SEMA4G: variants seen among roughly 807,000 people sequenced by gnomAD.
SEMA4G encodes the protein semaphorin-4G.
Under a neutral mutation model 81.2 loss-of-function variants are expected in SEMA4G, and 59 were observed. The ratio of observed to expected loss-of-function variants is 0.73; its 90% confidence interval spans 0.59 to 0.90. The LOEUF is 0.90. Ranked by LOEUF, SEMA4G falls within the 40% of genes least tolerant of loss-of-function variation. The pLI, the probability that SEMA4G is intolerant of heterozygous loss-of-function variation, is 0.00. For synonymous variants in SEMA4G, 404 were observed against 433.9 expected (o/e 0.93, Z 0.86); for missense variants, 952 against 1,102.3 (o/e 0.86, Z 1.93).
chr10:100,974,190 C>T (rs901978188), intron 3 of SEMA4G, among the ~76,000 whole-genome samples: 2 of 152,008 alleles, frequency 1.3e-5, no homozygotes, highest in African/African-American at 2.4e-5. Flanking sequence ...GTAGGCTGAA[C>T]GCGGTGGCTC....
At chr10:100,980,087 G>A (rs766581235) in intron 9 of SEMA4G, 35 bp from the exon 11 acceptor site, 1 of 1,612,624 alleles carries the variant, frequency 6.2e-7, no homozygotes. Context: ...AGGTGGTGGA[G>A]TCCCGAGGTT....
At chr10:100,980,227 G>A (rs778525725) in exon 10 of SEMA4G, 11 of 1,614,200 alleles carry the variant, frequency 6.8e-6, no homozygotes, top group Non-Finnish European at 9.3e-6. Context: ...TCGGCCCGTT[G>A]TGCCCACACG....
chr10:100,983,334 G>A (rs1589998314), exon 14 of SEMA4G: 2 of 1,580,504 alleles, frequency 1.3e-6, no homozygotes, highest in Non-Finnish European at 1.7e-6. Context: ...GACCCGCTCT[G>A]TGCTCCGGGG....
Position 100,977,631 on chromosome 10 carries a change from G to A in SEMA4G, c.337-1G>A. On this transcript the variant is annotated splice_acceptor_variant, in intron 3 of 13. Coordinates refer to ENST00000370250, the Ensembl canonical transcript of SEMA4G. LOFTEE classifies it high-confidence loss of function. ...ACAGCCCTCTCCACCTCATCCCACA[G>A]ACGGAGTGCTTTAACCATGTGCGGT... 6.2e-7 allele frequency: 1 copy of A among 1,613,810 alleles called. No homozygotes were observed. Among genetic ancestry groups the A allele is most frequent in the Non-Finnish European group, 8.5e-7 (1 of 1,179,734 alleles).
chr10:100,981,525 C>A, intron 13 of SEMA4G: 1 of 1,614,022 alleles, frequency 6.2e-7, no homozygotes, highest in South Asian at 1.1e-5. Context: ...CAAGGAAGAT[C>A]GGATGACTGA....
At chr10:100,978,530 G>A in exon 6 of SEMA4G, 1 of 1,613,890 alleles carries the variant, frequency 6.2e-7, no homozygotes. Flanking sequence ...ACGCCAGATG[G>A]AGGCCTCTAC....
At chr10:100,980,677 T>A (rs757896884) in exon 11 of SEMA4G, 1 of 1,613,788 alleles carries the variant, frequency 6.2e-7, no homozygotes, top group Non-Finnish European at 8.5e-7. Context: ...GAAAATCTAG[T>A]CATCTCTCTA....
Position 100,983,378 on chromosome 10 carries a change from C to G in SEMA4G, c.1764C>G (p.Ser588=), listed in dbSNP as rs183718929. The stretch of plus-strand genomic sequence containing the variant: ...TCCTCCTGCCCTGTGACCAGCCATC[C>G]AACCTGGCCCGGGCCTTGTGGCTAC... The change falls in exon 14 of 14, where the codon TCC becomes TCG. Residue 588 remains serine, a synonymous_variant. Transcript: ENST00000370250. The G allele has an allele frequency of 6.2e-6, 10 of 1,609,080 alleles. No homozygotes were observed. The Admixed American group carries it at 8.4e-5, about 14-fold the overall frequency.
At chr10:100,974,518 G>A (rs892594994) in intron 3 of SEMA4G, among the ~76,000 whole-genome samples, 3 of 152,102 alleles carry the variant, frequency 2.0e-5, no homozygotes, top group Non-Finnish European at 2.9e-5. Flanking sequence ...TACTTACGAT[G>A]GGTTACTTAC....
intron 3 of SEMA4G, among the ~76,000 whole-genome samples, chr10:100,974,106 TG>T (rs1168763801): frequency 6.6e-6 from 1 of 152,020 alleles, no homozygotes; most frequent in African/African-American, 2.4e-5. Context: ...TTCAACCATC[TG>T]GTGGCCTACT....
intron 8 of SEMA4G, 119 bp downstream of exon 9, chr10:100,979,390 T>A: frequency 6.4e-7 from 1 of 1,562,328 alleles, no homozygotes; most frequent in Non-Finnish European, 8.7e-7. Context: ...GTGAGAATTT[T>A]TTTTTTTTTT....
exon 14 of SEMA4G, chr10:100,983,437 G>T (rs1851225605): frequency 6.2e-7 from 1 of 1,613,772 alleles, no homozygotes; most frequent in African/African-American, 1.3e-5. Context: ...GATGGGCAGG[G>T]TGGCTACCGT....
chr10:100,972,722 C>T (rs553501059), exon 1 of SEMA4G: 2 of 560,342 alleles, frequency 3.6e-6, no homozygotes, highest in African/African-American at 1.9e-5. Flanking sequence ...CCCTGTGACT[C>T]CATGTCCCCC....
chr10:100,978,377 G>T (rs1850892457), exon 5 of SEMA4G: 1 of 1,613,214 alleles, frequency 6.2e-7, no homozygotes, highest in Non-Finnish European at 8.5e-7. Context: ...GGCTTCACAG[G>T]CCTCATCATT....
intron 4 of SEMA4G, chr10:100,978,056 C>T (rs1011931611): frequency 1.7e-6 from 1 of 577,208 alleles, no homozygotes; most frequent in Non-Finnish European, 3.1e-6. Flanking sequence ...AGATGTTCTT[C>T]ATAGATAAGG....
chr10:100,979,203 C>G, exon 8 of SEMA4G: 3 of 1,614,216 alleles, frequency 1.9e-6, no homozygotes, highest in East Asian at 2.2e-5. Context: ...TGCGTGGGGT[C>G]TGCAGCCTGG....
intron 8 of SEMA4G, 137 bp downstream of exon 9, chr10:100,979,408 G>C: frequency 6.3e-7 from 1 of 1,580,792 alleles, no homozygotes; most frequent in Non-Finnish European, 8.6e-7. Context: ...TTTTAAGAGG[G>C]AGTCTTGCTC....
chr10:100,974,354 A>G (rs1330267625), intron 3 of SEMA4G, among the ~76,000 whole-genome samples: 1 of 152,050 alleles, frequency 6.6e-6, no homozygotes, highest in Non-Finnish European at 1.5e-5. Flanking sequence ...AGTCCCAGCT[A>G]CTTGGGAAGC....
chr10:100,980,466 G>A (rs917840126), intron 10 of SEMA4G, 112 bp from the exon 12 acceptor site: 131 of 1,348,360 alleles, frequency 9.7e-5, no homozygotes, highest in Middle Eastern at 1.9e-4. Flanking sequence ...GCTCCTGGCT[G>A]AGTCCTTGTT....
Sources: gnomAD v4.1 joint callset for allele counts (sites outside exome capture counted in the v4.1 genomes callset) on GRCh38, gnomAD v4.1.1 for gene constraint, MANE v1.5 for transcripts, NCBI Gene and HGNC (gene_info 2026-07-23, HGNC 2026-07-21) for gene names.